LASP1: variants seen among roughly 807,000 people sequenced by gnomAD.
LASP1 encodes the protein LIM and SH3 protein 1, also known as LIM and SH3 domain protein 1.
Under a neutral mutation model 38.6 loss-of-function variants are expected in LASP1, and 10 were observed. The observed-to-expected ratio is 0.26, with a 90% confidence interval of 0.16 to 0.44. LASP1 has a LOEUF of 0.44. Among genes scored for constraint, LASP1 ranks in the 20% least tolerant of loss-of-function variants. The pLI is 1.00. For missense variants in LASP1, 243 were observed against 375.7 expected (o/e 0.65, Z 2.92); for synonymous variants, 132 against 140.8 (o/e 0.94, Z 0.44).
At chr17:38,914,703 C>T (rs1243540245) in intron 5 of LASP1, among the ~76,000 whole-genome samples, 1 of 151,824 alleles carries the variant, frequency 6.6e-6, no homozygotes, top group East Asian at 1.9e-4. Flanking sequence ...CACACACACA[C>T]ACACACACAC....
At chr17:38,909,084 G>T (rs1391277708) in intron 4 of LASP1, among the ~76,000 whole-genome samples, 2 of 152,166 alleles carry the variant, frequency 1.3e-5, no homozygotes, top group Non-Finnish European at 2.9e-5. Flanking sequence ...CCAGCTAGGT[G>T]CCTGCCAGGG....
Position 38,914,412 on chromosome 17 carries a change from G to C in LASP1, c.445G>C (p.Gly149Arg). The C allele has an allele frequency of 6.2e-7, 1 of 1,611,796 alleles. No homozygotes were observed. The highest frequency in any genetic ancestry group is 1.3e-5 in the African/African-American group (1 of 74,956). Reference protein sequence around the residue: ...MEPERRDSQDGSSYRRPLEQQ... With the variant: ...MEPERRDSQDRSSYRRPLEQQ... ...GCCAGAGCGTCGGGATTCACAGGAC[G>C]GCAGCAGCTACCGGCGGCCCCTGGA... The change falls in exon 5 of 7, where the codon GGC becomes CGC. Residue 149 changes from glycine to arginine, a missense_variant. This residue lies in a region of LASP1 where 165 missense variants were observed against 210.3 expected (regional missense o/e 0.78). Coordinates refer to ENST00000318008, the MANE Select transcript of LASP1 (RefSeq NM_006148.4).
At position 38,920,372 on chromosome 17, in the gene LASP1, G is replaced by A. The variant is rs1447934079; in HGVS notation, c.*1594G>A. ...CCAGGGCTGCAAAACTGGAAGCACAGCCTCGGGGATGGGGAGGGAAAGACG... is the reference window on the plus strand; with the variant it reads ...CCAGGGCTGCAAAACTGGAAGCACAACCTCGGGGATGGGGAGGGAAAGACG... On this transcript the variant is annotated 3_prime_UTR_variant, in exon 7 of 7. Transcript: ENST00000318008. 8.7e-6 allele frequency: 3 copies of A among 343,598 alleles called. No individual in the cohort carries two copies. In the East Asian group the frequency reaches 1.3e-4, roughly 15 times the overall value. The allele number at this position is 343,598 out of a possible 1,614,324, so 21.3% of individuals were successfully genotyped here. A position where few individuals can be genotyped will look rare whatever the true frequency, so the allele number is the denominator to read the frequency against.
chr17:38,914,376 G>A lies in LASP1; in HGVS notation c.409G>A (p.Glu137Lys). 6.2e-7 allele frequency: 1 copy of A among 1,612,202 alleles called. No homozygotes were observed. The highest frequency in any genetic ancestry group is 8.5e-7 in the Non-Finnish European group (1 of 1,179,906). Residue 137 changes from glutamate to lysine, a missense_variant, in exon 5 of 7, where the codon GAG becomes AAG. Physicochemically the swap from Glu to Lys is moderately conservative, Grantham distance 56. Coordinates refer to ENST00000318008, the MANE Select transcript of LASP1 (RefSeq NM_006148.4). ...GAGCCGCATGGGCCCTAGCGGGGGC[G>A]AGGGCATGGAGCCAGAGCGTCGGGA... ...EKSRMGPSGG[E>K]GMEPERRDSQ...
At chr17:38,897,062 CTGG>C in intron 3 of LASP1, 5 of 985,546 alleles carry the variant, frequency 5.1e-6, no homozygotes, top group Non-Finnish European at 6.0e-6. Flanking sequence ...TGAGGAAGAG[CTGG>C]TGCTAGGCAG....
intron 4 of LASP1, 78 bp downstream of exon 4, chr17:38,898,597 C>G: frequency 9.0e-7 from 1 of 1,110,344 alleles, no homozygotes; most frequent in Non-Finnish European, 1.3e-6. Context: ...CAGACGCAAG[C>G]CTGGCAGATG....
intron 3 of LASP1, among the ~76,000 whole-genome samples, chr17:38,894,606 C>T (rs768612982): frequency 2.6e-5 from 4 of 152,120 alleles, no homozygotes; most frequent in East Asian, 3.8e-4. Flanking sequence ...ACTGTTCTCC[C>T]GGAAAGGAGA....
rs560115832 is a variant in LASP1, at chr17:38,900,026, G to A, written c.357+1507G>A. 7.9e-5 allele frequency among the ~76,000 whole-genome samples: 12 copies of A among 151,458 alleles called. No individual in the cohort carries two copies. In the East Asian group the frequency reaches 1.9e-3, roughly 24 times the overall value. ...ATTACAGGTGTGAGCCACCGCACCC[G>A]GCCACATTCAGATCTTTTCTAAAGA... is the stretch of plus-strand genomic sequence containing the variant. On this transcript the variant is annotated intron_variant, in intron 4 of 6. Coordinates refer to ENST00000318008, the MANE Select transcript of LASP1 (RefSeq NM_006148.4).
intron 4 of LASP1, among the ~76,000 whole-genome samples, chr17:38,902,185 C>T (rs563569542): frequency 2.4e-4 from 36 of 152,076 alleles, no homozygotes; most frequent in Admixed American, 1.9e-3. Flanking sequence ...CCTCAGACTC[C>T]GAGTAGCTGG....
At chr17:38,892,021 G>A (rs1360069191) in intron 3 of LASP1, among the ~76,000 whole-genome samples, 1 of 152,104 alleles carries the variant, frequency 6.6e-6, no homozygotes, top group East Asian at 1.9e-4. Context: ...CTGAGGAGTT[G>A]GAGGCTGCAG....
chr17:38,870,747 TG>T (rs893186039), intron 1 of LASP1, among the ~76,000 whole-genome samples: 3 of 151,338 alleles, frequency 2.0e-5, no homozygotes, highest in African/African-American at 7.3e-5. Flanking sequence ...CCTGGCTTCC[TG>T]GCCTGGCGGG....
intron 4 of LASP1, chr17:38,903,845 A>G (rs960346476): frequency 7.2e-5 from 11 of 152,232 alleles, no homozygotes; most frequent in African/African-American, 2.4e-4. Flanking sequence ...TATATTACAC[A>G]TCTATGGTGA....
In LASP1 at chr17:38,895,820, T is replaced by TA. The variant is rs1221253372; in HGVS notation, c.250-2591dup. ...AACAACTAAGAACTGACAGAAAAATTAGAGTTTCACGGATGGTGGTTGTTT... is the reference window on the plus strand; with the variant it reads ...AACAACTAAGAACTGACAGAAAAATTAAGAGTTTCACGGATGGTGGTTGTTT... On this transcript the variant is annotated intron_variant, in intron 3 of 6. Transcript: ENST00000318008. Among the ~76,000 whole-genome samples the TA allele has an allele frequency of 2.6e-5, 4 of 152,062 alleles. No homozygotes were observed. In the South Asian group the frequency reaches 8.3e-4, roughly 32 times the overall value.
intron 2 of LASP1, 73 bp downstream of exon 2, chr17:38,878,253 C>G: frequency 1.0e-6 from 1 of 965,888 alleles, no homozygotes; most frequent in Non-Finnish European, 1.7e-6. Flanking sequence ...TCCTTTCCTT[C>G]CAATAACCGC....
At chr17:38,897,978 A>G (rs1914534887) in intron 3 of LASP1, among the ~76,000 whole-genome samples, 1 of 152,152 alleles carries the variant, frequency 6.6e-6, no homozygotes, top group Admixed American at 6.5e-5. Context: ...TCCAGACAGG[A>G]TGGGCAGGGA....
chr17:38,908,634 C>T (rs1411448003), intron 4 of LASP1, among the ~76,000 whole-genome samples: 1 of 152,226 alleles, frequency 6.6e-6, no homozygotes, highest in Non-Finnish European at 1.5e-5. Flanking sequence ...AAAGGAGGGA[C>T]TGATCCTGAC....
In LASP1 at chr17:38,870,208, CG is replaced by C; in HGVS notation, c.21del (p.Cys8AlafsTer11). 1 of 1,613,908 alleles carries C rather than the reference CG, an allele frequency of 6.2e-7. No homozygotes were observed. The highest frequency in any genetic ancestry group is 8.5e-7 in the Non-Finnish European group (1 of 1,179,874). On this transcript the variant is annotated frameshift_variant, in exon 1 of 7. Transcript: ENST00000318008. LOFTEE classifies it high-confidence loss of function. ...CGGAACCATGAACCCCAACTGCGCC[CG>C]GTGCGGCAAGATCGTGTATCCCACG... MNPNCA[R>X]CGKIVYPTEK...
chr17:38,894,295 C>G lies in LASP1; in HGVS notation c.249+3791C>G, dbSNP rs1340771065. On this transcript the variant is annotated intron_variant, in intron 3 of 6. Coordinates refer to ENST00000318008, the MANE Select transcript of LASP1 (RefSeq NM_006148.4). ...CCAGTAGACTGTTCTTCCATTTTTTCCTTCATCAACTCACCTTGATGGGGT... is the reference window on the plus strand; with the variant it reads ...CCAGTAGACTGTTCTTCCATTTTTTGCTTCATCAACTCACCTTGATGGGGT... Among the ~76,000 whole-genome samples, 7 of 152,260 alleles carry G rather than the reference C, an allele frequency of 4.6e-5. No individual in the cohort carries two copies. The East Asian group carries it at 1.2e-3, about 25-fold the overall frequency.
At chr17:38,896,874 C>G (rs1914504861) in intron 3 of LASP1, 1 of 981,824 alleles carries the variant, frequency 1.0e-6, no homozygotes, top group Non-Finnish European at 1.2e-6. Flanking sequence ...CCATATTATA[C>G]CTGATTTCTG....
Sources: allele counts gnomAD v4.1 joint callset (sites outside exome capture counted in the v4.1 genomes callset), GRCh38; gene constraint gnomAD v4.1.1; regional missense constraint gnomAD v4.1.1; transcripts MANE v1.5; gene names NCBI Gene and HGNC (gene_info 2026-07-23, HGNC 2026-07-21).